FBXW10B: variants seen among roughly 807,000 people sequenced by gnomAD.
The protein encoded by FBXW10B is F-box and WD repeat domain containing protein 10B.
the FBXW10B span, among the ~76,000 whole-genome samples, chr17:15,597,053 T>TAAA: frequency 7.0e-6 from 1 of 143,434 alleles, no homozygotes. Flanking sequence ...CAGGTAAAAT[T>TAAA]AAAAAAAAAA....
chr17:15,604,906 C>G, the FBXW10B span, among the ~76,000 whole-genome samples: 1 of 152,354 alleles, frequency 6.6e-6, no homozygotes, highest in East Asian at 1.9e-4. Flanking sequence ...CCACGTTCCC[C>G]TGAAAGAATC....
chr17:15,575,569 T>A, the FBXW10B span, among the ~76,000 whole-genome samples: 1 of 147,294 alleles, frequency 6.8e-6, no homozygotes, highest in Non-Finnish European at 1.5e-5. Context: ...CTCTGTACTT[T>A]CACTGCATTT....
At chr17:15,615,268 C>T in the FBXW10B span, among the ~76,000 whole-genome samples, 1 of 149,818 alleles carries the variant, frequency 6.7e-6, no homozygotes, top group African/African-American at 2.5e-5. Flanking sequence ...CCCTGCCAGC[C>T]CCTCCAGTTC....
the FBXW10B span, among the ~76,000 whole-genome samples, chr17:15,600,235 A>G: frequency 1.3e-5 from 2 of 148,238 alleles, no homozygotes; most frequent in Middle Eastern, 3.5e-3. Flanking sequence ...AAAAAAATGT[A>G]CTTACTTCAC....
the FBXW10B span, among the ~76,000 whole-genome samples, chr17:15,609,957 T>C: frequency 6.8e-6 from 1 of 147,920 alleles, no homozygotes; most frequent in Non-Finnish European, 1.5e-5. Context: ...ATCTCCTGGG[T>C]TCAAGTGATT....
the FBXW10B span, chr17:15,574,167 G>A: frequency 6.7e-6 from 5 of 744,884 alleles, no homozygotes; most frequent in East Asian, 1.2e-4. Flanking sequence ...CATTTACTTT[G>A]GTTATTTAGT....
chr17:15,569,458 T>TTTA, the FBXW10B span, among the ~76,000 whole-genome samples: 3,254 of 96,630 alleles, frequency 0.034, 47 homozygotes, highest in Non-Finnish European at 0.048. Flanking sequence ...TCTTTTTCTT[T>TTTA]TTTTTTTTTT....
the FBXW10B span, among the ~76,000 whole-genome samples, chr17:15,601,340 C>T: frequency 2.2e-5 from 3 of 138,122 alleles, no homozygotes; most frequent in Non-Finnish European, 3.0e-5. Context: ...ACCCAGGAGG[C>T]GGAGCTGGCA....
the FBXW10B span, among the ~76,000 whole-genome samples, chr17:15,615,078 T>C: frequency 2.6e-5 from 4 of 152,120 alleles, no homozygotes; most frequent in Non-Finnish European, 5.9e-5. Context: ...ATGTGTCTTG[T>C]GGGCACTGCA....
the FBXW10B span, among the ~76,000 whole-genome samples, chr17:15,614,974 A>G: frequency 1.3e-5 from 2 of 152,222 alleles, no homozygotes; most frequent in Non-Finnish European, 2.9e-5. Flanking sequence ...CCACCATGCC[A>G]GAGCCCAGGG....
chr17:15,583,657 A>C, the FBXW10B span, among the ~76,000 whole-genome samples: 1 of 151,234 alleles, frequency 6.6e-6, no homozygotes, highest in Non-Finnish European at 1.5e-5. Flanking sequence ...GGCCCTCAGC[A>C]GACCCAGGAA....
the FBXW10B span, among the ~76,000 whole-genome samples, chr17:15,574,860 A>G: frequency 5.3e-5 from 8 of 152,116 alleles, no homozygotes; most frequent in African/African-American, 1.2e-4. Context: ...CACACTGGTA[A>G]GTGGGACTTG....
the FBXW10B span, among the ~76,000 whole-genome samples, chr17:15,578,750 T>C: frequency 6.6e-6 from 1 of 152,098 alleles, no homozygotes; most frequent in Non-Finnish European, 1.5e-5. Flanking sequence ...TCCTTAAAAA[T>C]TCCTAAGTCT....
At chr17:15,579,000 G>GA in the FBXW10B span, among the ~76,000 whole-genome samples, 1 of 64,366 alleles carries the variant, frequency 1.6e-5, no homozygotes, top group Non-Finnish European at 3.5e-5. Context: ...TTTCTTCCTT[G>GA]AAAAAAATTA....
chr17:15,572,965 A>G, the FBXW10B span: 1 of 152,202 alleles, frequency 6.6e-6, no homozygotes, highest in South Asian at 2.1e-4. Flanking sequence ...ATCCCAGGAG[A>G]GAGACTTGGG....
chr17:15,568,955 C>T, the FBXW10B span: 17 of 1,231,626 alleles, frequency 1.4e-5, no homozygotes, highest in African/African-American at 1.7e-4. Flanking sequence ...TCCCAGCTGA[C>T]TTCTCTGCCT....
chr17:15,589,041 G>A, the FBXW10B span: 22 of 1,608,704 alleles, frequency 1.4e-5, no homozygotes, highest in African/African-American at 2.7e-5. Flanking sequence ...GGGCCATCCC[G>A]CCTGTCATGG....
chr17:15,580,326 T>C, the FBXW10B span, among the ~76,000 whole-genome samples: 1 of 152,188 alleles, frequency 6.6e-6, no homozygotes, highest in Non-Finnish European at 1.5e-5. Flanking sequence ...ATTGTTCTTA[T>C]ATAAATTCAA....
At chr17:15,598,268 G>A in the FBXW10B span, among the ~76,000 whole-genome samples, 1 of 151,954 alleles carries the variant, frequency 6.6e-6, no homozygotes, top group East Asian at 1.9e-4. Flanking sequence ...TATATCTAAA[G>A]GGCCATATCC....
Sources: allele counts gnomAD v4.1 joint callset (sites outside exome capture counted in the v4.1 genomes callset), GRCh38; gene constraint gnomAD v4.1.1; transcripts MANE v1.5; gene names NCBI Gene and HGNC (gene_info 2026-07-23, HGNC 2026-07-21).